UGT1A3: variants seen among roughly 807,000 people sequenced by gnomAD.
UGT1A3 encodes UDP glucuronosyltransferase family 1 member A3.
In UGT1A3, 31 loss-of-function variants were observed where a neutral mutation model predicts 41.0. That is an observed-to-expected ratio of 0.76 (90% CI 0.57 to 1.02). The LOEUF (loss-of-function observed/expected upper bound fraction) is 1.02, where lower values mean the gene tolerates loss of function less well. UGT1A3 is among the 50% of genes least tolerant of loss of function. UGT1A3 has a pLI of 0.00. For synonymous variants in UGT1A3, 262 were observed against 257.6 expected, an observed-to-expected ratio of 1.02 and a Z score of -0.17; for missense variants, 737 against 671.0, an observed-to-expected ratio of 1.10 and a Z score of -1.09.
intron 1 of UGT1A3, among the ~76,000 whole-genome samples, chr2:233,748,366 G>A (rs1693927110): frequency 1.3e-5 from 2 of 151,774 alleles, no homozygotes; most frequent in Admixed American, 1.3e-4. Context: ...CCATCTTCAT[G>A]GTTGTGCATG....
At chr2:233,750,456 A>G (rs1220214854) in intron 1 of UGT1A3, among the ~76,000 whole-genome samples, 2 of 151,996 alleles carry the variant, frequency 1.3e-5, no homozygotes, top group Non-Finnish European at 2.9e-5. Flanking sequence ...CAAACCAGCT[A>G]CAGAAATACT....
intron 1 of UGT1A3, among the ~76,000 whole-genome samples, chr2:233,730,768 A>G (rs1007690415): frequency 3.9e-5 from 6 of 152,134 alleles, no homozygotes; most frequent in African/African-American, 1.4e-4. Flanking sequence ...TGAATCTATA[A>G]GCCCAGTGAA....
intron 1 of UGT1A3, among the ~76,000 whole-genome samples, chr2:233,751,532 C>T (rs1375355946): frequency 6.6e-6 from 1 of 152,214 alleles, no homozygotes; most frequent in Non-Finnish European, 1.5e-5. Context: ...TATGGTTTGA[C>T]TCTGTGTTTC....
In UGT1A3 at chr2:233,746,430, T is replaced by C. The variant is rs141272199; in HGVS notation, c.867+16437T>C. On this transcript the variant is annotated intron_variant, in intron 1 of 4. Transcript: ENST00000482026. ...TCCAATGGTGACCTATTAACTTATG[T>C]CTTCAGCTTAAAAAGAAAGTACCTT... Among the ~76,000 whole-genome samples, 254 of 151,800 alleles carry C rather than the reference T, an allele frequency of 1.7e-3. 1 individual carries two copies. The highest frequency in any genetic ancestry group is 3.4e-3 in the Middle Eastern group (1 of 292).
At position 233,747,349 on chromosome 2, in the gene UGT1A3, A is replaced by C. The variant is rs546536456; in HGVS notation, c.867+17356A>C. ...TGGCAGCCACTGGCTCGCATGCGGG[A>C]GGCCGTGCGGGAGCTCCATGCCAGA... On this transcript the variant is annotated intron_variant, in intron 1 of 4. Transcript: ENST00000482026. The C allele has an allele frequency of 4.2e-5, 68 of 1,603,008 alleles. 1 individual carries two copies. The South Asian group carries it at 6.8e-4, about 16-fold the overall frequency.
In UGT1A3 at chr2:233,772,418, T is replaced by C. The variant is rs768461412; in HGVS notation, c.1464T>C (p.His488=). The change falls in exon 5 of 5, where the codon CAT becomes CAC. Residue 488 remains histidine (H), a synonymous_variant. Transcript: ENST00000482026. ...ACGACCTCACCTGGTACCAGTACCA[T>C]TCCTTGGACGTGATTGGTTTCCTCT... ...AAHDLTWYQY[H]SLDVIGFLLA... 3 of 1,614,060 alleles carry C rather than the reference T, an allele frequency of 1.9e-6. No individual in the cohort carries two copies. In the Admixed American group the frequency reaches 5.0e-5, roughly 27 times the overall value.
rs34028775 is a variant in UGT1A3 at position 233,762,751 on chromosome 2, A to AT, written c.868-4276dup. Among the ~76,000 whole-genome samples the AT allele has an allele frequency of 1.5e-3, 214 of 146,458 alleles. 1 individual carries two copies. Among genetic ancestry groups the AT allele is most frequent in the African/African-American group, 5.0e-3 (200 of 39,700 alleles). ...TTTTGGTCACTACTGTGAATGTGTT[A>AT]TTTTTTTGCATTTCTATCTCTAGCT... On this transcript the variant is annotated intron_variant, in intron 1 of 4. Coordinates refer to ENST00000482026, the MANE Select transcript of UGT1A3 (RefSeq NM_019093.4).
intron 1 of UGT1A3, chr2:233,748,082 C>T (rs1013967791): frequency 1.5e-5 from 25 of 1,612,926 alleles, no homozygotes; most frequent in East Asian, 6.7e-5. Context: ...TATCTCAGGT[C>T]GGTGTTCGTG....
chr2:233,743,667 C>G (rs201017854), intron 1 of UGT1A3: 4 of 1,367,108 alleles, frequency 2.9e-6, no homozygotes, highest in African/African-American at 1.5e-5. Context: ...AAGGGGTCCT[C>G]GAAGGGCCTG....
At chr2:233,757,826 ATGG>A (rs1696730771) in intron 1 of UGT1A3, among the ~76,000 whole-genome samples, 1 of 151,882 alleles carries the variant, frequency 6.6e-6, no homozygotes, top group Non-Finnish European at 1.5e-5. Flanking sequence ...AGTGTGTCTG[ATGG>A]TGGCCTACTA....
chr2:233,747,798 A>T (rs1693779334), intron 1 of UGT1A3: 1 of 1,613,348 alleles, frequency 6.2e-7, no homozygotes, highest in Non-Finnish European at 8.5e-7. Context: ...CTATATTCCT[A>T]AGTTACTAAC....
At chr2:233,768,183 A>G (rs753962326) in intron 3 of UGT1A3, 37 bp from the exon 4 acceptor site, 1 of 1,614,004 alleles carries the variant, frequency 6.2e-7, no homozygotes, top group Non-Finnish European at 8.5e-7. Context: ...AAACTCAGAG[A>G]TGTAACTGCT....
At chr2:233,757,535 A>AAT (rs67292694) in intron 1 of UGT1A3, among the ~76,000 whole-genome samples, 7,470 of 88,184 alleles carry the variant, frequency 0.085, 593 homozygotes, top group East Asian at 0.11. Context: ...GCCTGTAAGG[A>AAT]ATATATATAT....
In UGT1A3 at chr2:233,729,350, T is replaced by A. The variant is rs751106111; in HGVS notation, c.224T>A (p.Phe75Tyr). The stretch of plus-strand genomic sequence containing the variant: ...ATGCACATCAAAGAAGAGAACTTTT[T>A]CACCCTGACAACCTATGCCATTTCG... ...VNMHIKEENF[F>Y]TLTTYAISWT... The change falls in exon 1 of 5, where the codon TTC becomes TAC. Residue 75 changes from phenylalanine (F) to tyrosine (Y), a missense_variant. Coordinates refer to ENST00000482026, the MANE Select transcript of UGT1A3 (RefSeq NM_019093.4). 2.5e-6 allele frequency: 4 copies of A among 1,614,098 alleles called. No individual in the cohort carries two copies. The highest frequency in any genetic ancestry group is 3.4e-6 in the Non-Finnish European group (4 of 1,180,032).
At chr2:233,752,552 G>C (rs942776893) in intron 1 of UGT1A3, 3 of 152,120 alleles carry the variant, frequency 2.0e-5, no homozygotes, top group Admixed American at 1.3e-4. Flanking sequence ...GCTCTTGCTG[G>C]GACAACATAG....
chr2:233,747,504 C>T, intron 1 of UGT1A3: 2 of 1,608,416 alleles, frequency 1.2e-6, no homozygotes, highest in South Asian at 2.2e-5. Flanking sequence ...GGGCCACACT[C>T]AACTGTACTT....
intron 1 of UGT1A3, among the ~76,000 whole-genome samples, chr2:233,738,578 G>A (rs893369002): frequency 6.6e-6 from 1 of 152,224 alleles, no homozygotes; most frequent in African/African-American, 2.4e-5. Context: ...GAGAACTGGA[G>A]CAAAGGTCAC....
At position 233,729,228 on chromosome 2, in the gene UGT1A3, G is replaced by A. The variant is rs752170717; in HGVS notation, c.102G>A (p.Val34=). ...PWAESGKVLV[V]PIDGSHWLSM... ...CTGAGAGTGGAAAGGTGTTGGTGGT[G>A]CCCATTGATGGCAGCCACTGGCTCA... The change falls in exon 1 of 5, where the codon GTG becomes GTA. Residue 34 remains valine, a synonymous_variant. Transcript: ENST00000482026. The A allele has an allele frequency of 1.9e-6, 3 of 1,614,046 alleles. No homozygotes were observed. The highest frequency in any genetic ancestry group is 1.1e-5 in the South Asian group (1 of 91,088).
At chr2:233,748,029 A>G in intron 1 of UGT1A3, 5 of 1,613,446 alleles carry the variant, frequency 3.1e-6, no homozygotes, top group East Asian at 2.2e-5. Context: ...CATGCCCAAC[A>G]TGGTCTTCAT....
Sources: gnomAD v4.1 joint callset for allele counts (sites outside exome capture counted in the v4.1 genomes callset) on GRCh38, gnomAD v4.1.1 for gene constraint, MANE v1.5 for transcripts, NCBI Gene and HGNC (gene_info 2026-07-23, HGNC 2026-07-21) for gene names.